Variants in ACER2 observed in about 807,000 individuals in gnomAD.
ACER2 encodes alkCDase 2.
Under a neutral mutation model 34.7 loss-of-function variants are expected in ACER2, and 26 were observed. That is an observed-to-expected ratio of 0.75 (90% CI 0.55 to 1.04). The LOEUF (loss-of-function observed/expected upper bound fraction) is 1.04, where lower values mean the gene tolerates loss of function less well. Among genes scored for constraint, ACER2 ranks in the 50% least tolerant of loss-of-function variants. The pLI is 0.00. For missense variants in ACER2, 352 were observed against 340.8 expected, an observed-to-expected ratio of 1.03 and a Z score of -0.26; for synonymous variants, 138 against 132.1, an observed-to-expected ratio of 1.04 and a Z score of -0.31.
chr9:19,414,017 A>T (rs535365134), intron 1 of ACER2, among the ~76,000 whole-genome samples: 57 of 152,268 alleles, frequency 3.7e-4, no homozygotes, highest in Middle Eastern at 3.4e-3. Context: ...CAAGCCGCTG[A>T]GGGTGTTTTT....
intron 4 of ACER2, among the ~76,000 whole-genome samples, chr9:19,442,269 G>A (rs886332632): frequency 6.6e-6 from 1 of 152,216 alleles, no homozygotes; most frequent in African/African-American, 2.4e-5. Context: ...AGAAGAAATG[G>A]GAGAGATTCA....
chr9:19,439,968 C>G (rs963261159), intron 4 of ACER2, among the ~76,000 whole-genome samples: 4 of 152,074 alleles, frequency 2.6e-5, no homozygotes, highest in African/African-American at 9.7e-5. Context: ...GAGCAAGACT[C>G]CATCCCCCCG....
intron 1 of ACER2, among the ~76,000 whole-genome samples, chr9:19,421,879 A>G (rs1035581320): frequency 5.3e-5 from 8 of 152,316 alleles, no homozygotes; most frequent in African/African-American, 1.9e-4. Context: ...TATGACAGTC[A>G]CTGGCCACAT....
Position 19,434,975 on chromosome 9 carries a change from C to CT in ACER2, c.395dup (p.Ser133ValfsTer38). 1.9e-6 allele frequency: 3 copies of CT among 1,614,036 alleles called. No homozygotes were observed. Among genetic ancestry groups the CT allele is most frequent in the Non-Finnish European group, 8.5e-7 (1 of 1,180,040 alleles). On this transcript the variant is annotated frameshift_variant, in exon 4 of 6. Transcript: ENST00000340967. LOFTEE classifies it high-confidence loss of function. ...TAGGTTCAAGGTGGTGGTCAGTGTC[C>CT]TGTCTGCGGTTACGACGTGCCTGGC... is the stretch of plus-strand genomic sequence containing the variant.
rs550218500 is a variant in ACER2 at position 19,451,981 on chromosome 9, G to C, written c.*1345G>C. 1 of 152,490 alleles carries C rather than the reference G, an allele frequency of 6.6e-6. No homozygotes were observed. The highest frequency in any genetic ancestry group is 1.5e-5 in the Non-Finnish European group (1 of 68,030). The allele number at this position is 152,490 out of a possible 1,614,324, so 9.4% of individuals were successfully genotyped here. On this transcript the variant is annotated 3_prime_UTR_variant, in exon 6 of 6. Transcript: ENST00000340967. ...GTGCTGGCAGTAGCTATGCACTCACGGGCTGGTTTGGGTCGCTGGTGCAGC... is the reference window on the plus strand; with the variant it reads ...GTGCTGGCAGTAGCTATGCACTCACCGGCTGGTTTGGGTCGCTGGTGCAGC...
chr9:19,419,722 CG>C (rs1248988175), intron 1 of ACER2, among the ~76,000 whole-genome samples: 1 of 152,122 alleles, frequency 6.6e-6, no homozygotes, highest in African/African-American at 2.4e-5. Flanking sequence ...GAGATCGTGC[CG>C]TTGCACTCCA....
chr9:19,425,981 C>G (rs889149256), intron 3 of ACER2, among the ~76,000 whole-genome samples: 16 of 152,192 alleles, frequency 1.1e-4, no homozygotes, highest in African/African-American at 3.6e-4. Context: ...CTGCTGCTAT[C>G]TGTGGACTCA....
intron 3 of ACER2, among the ~76,000 whole-genome samples, chr9:19,433,149 C>CTTTTTTTTT (rs57915019): frequency 2.8e-4 from 17 of 61,358 alleles, no homozygotes; most frequent in African/African-American, 3.0e-4. Context: ...GTGTGAGTGG[C>CTTTTTTTTT]TTTTTTTTTT....
rs1441411697 is a variant in ACER2 at position 19,451,563 on chromosome 9, T to G, written c.*927T>G. On this transcript the variant is annotated 3_prime_UTR_variant, in exon 6 of 6. Coordinates refer to ENST00000340967, the MANE Select transcript of ACER2 (RefSeq NM_001010887.3). ...AGGCCCTTCTTGAAGATGAGCACAA[T>G]TTTTAAATACTGAGCACAATTTTTA... 1 of 152,614 alleles carries G rather than the reference T, an allele frequency of 6.6e-6. No individual in the cohort carries two copies. Among genetic ancestry groups the G allele is most frequent in the Non-Finnish European group, 1.5e-5 (1 of 68,040 alleles). The allele number at this position is 152,614 out of a possible 1,614,324, so 9.5% of individuals were successfully genotyped here. A position where few individuals can be genotyped will look rare whatever the true frequency, so the allele number is the denominator to read the frequency against.
chr9:19,415,482 G>A (rs75928030), intron 1 of ACER2, among the ~76,000 whole-genome samples: 1 of 151,606 alleles, frequency 6.6e-6, no homozygotes, highest in Admixed American at 6.6e-5. Flanking sequence ...GTGACAGAGT[G>A]AGACTCCATC....
Position 19,423,978 on chromosome 9 carries a change from T to G in ACER2, c.223+2T>G. The G allele has an allele frequency of 1.2e-6, 2 of 1,605,456 alleles. No individual in the cohort carries two copies. Among genetic ancestry groups the G allele is most frequent in the Non-Finnish European group, 1.7e-6 (2 of 1,172,138 alleles). Reference sequence around the variant, plus strand: ...TCTGGACTCTTTTGGTTGTAGTGGGTAAGTGGAGTCATTTGGGAACACGGA... The same window carrying G: ...TCTGGACTCTTTTGGTTGTAGTGGGGAAGTGGAGTCATTTGGGAACACGGA... On this transcript the variant is annotated splice_donor_variant, in intron 2 of 5. Coordinates refer to ENST00000340967, the MANE Select transcript of ACER2 (RefSeq NM_001010887.3). LOFTEE classifies it high-confidence loss of function.
intron 3 of ACER2, among the ~76,000 whole-genome samples, chr9:19,429,754 C>T (rs1830691223): frequency 6.6e-6 from 1 of 152,140 alleles, no homozygotes; most frequent in Non-Finnish European, 1.5e-5. Context: ...GCCCGCCCTG[C>T]TAGCATTCTT....
chr9:19,411,766 G>A (rs922796820), intron 1 of ACER2, among the ~76,000 whole-genome samples: 2 of 152,198 alleles, frequency 1.3e-5, no homozygotes, highest in Non-Finnish European at 2.9e-5. Flanking sequence ...TAAATCAGGA[G>A]AAGACCGGGA....
chr9:19,434,205 T>C (rs1380806419), intron 3 of ACER2, among the ~76,000 whole-genome samples: 3 of 142,698 alleles, frequency 2.1e-5, no homozygotes, highest in African/African-American at 5.3e-5. Context: ...CCTCACTTCC[T>C]AGATGTGATG....
At chr9:19,409,696 A>T in intron 1 of ACER2, 1 of 977,082 alleles carries the variant, frequency 1.0e-6, no homozygotes, top group Middle Eastern at 5.3e-4. Context: ...CCCACCCCCA[A>T]GAACATGCCT....
chr9:19,436,703 T>A (rs373924642), intron 4 of ACER2, among the ~76,000 whole-genome samples: 2 of 152,376 alleles, frequency 1.3e-5, no homozygotes, highest in East Asian at 3.9e-4. Context: ...TGTAGGATTG[T>A]AATTTACTTT....
chr9:19,434,088 C>T (rs1381463246), intron 3 of ACER2, among the ~76,000 whole-genome samples: 1 of 151,614 alleles, frequency 6.6e-6, no homozygotes, highest in Non-Finnish European at 1.5e-5. Flanking sequence ...TCCTCACCTC[C>T]CAGACGGGGT....
chr9:19,426,533 A>G (rs1197165946), intron 3 of ACER2, among the ~76,000 whole-genome samples: 1 of 151,756 alleles, frequency 6.6e-6, no homozygotes, highest in African/African-American at 2.4e-5. Flanking sequence ...CAGATATCTT[A>G]TTTTTCAAGT....
chr9:19,450,474 C>G lies in ACER2; in HGVS notation c.666C>G (p.Ala222=). Residue 222 remains alanine, a synonymous_variant, in exon 6 of 6, where the codon GCC becomes GCG. Coordinates refer to ENST00000340967, the MANE Select transcript of ACER2 (RefSeq NM_001010887.3). Reference sequence around the variant, plus strand: ...GGCACATCCTCATCTGCCTTGCTGCCTACCTGGGCTGTGTATGCTTTGCCT... The same window carrying G: ...GGCACATCCTCATCTGCCTTGCTGCGTACCTGGGCTGTGTATGCTTTGCCT... ...CMWHILICLA[A]YLGCVCFAYF... is the part of the protein sequence containing the mutation. The G allele has an allele frequency of 1.2e-6, 2 of 1,604,706 alleles. No individual in the cohort carries two copies. Among genetic ancestry groups the G allele is most frequent in the South Asian group, 1.1e-5 (1 of 90,496 alleles).
Sources: gnomAD v4.1 joint callset for allele counts (sites outside exome capture counted in the v4.1 genomes callset) on GRCh38, gnomAD v4.1.1 for gene constraint, MANE v1.5 for transcripts, NCBI Gene and HGNC (gene_info 2026-07-23, HGNC 2026-07-21) for gene names.